SLX4IP: variants seen among roughly 807,000 people sequenced by gnomAD.
The protein encoded by SLX4IP is protein SLX4IP.
In SLX4IP, 34 loss-of-function variants were observed where a neutral mutation model predicts 32.9. That is an observed-to-expected ratio of 1.03 (90% CI 0.79 to 1.38). The LOEUF (loss-of-function observed/expected upper bound fraction) is 1.38. Ranked by LOEUF, SLX4IP falls within the 40% of genes most tolerant of loss-of-function variation. The pLI, the probability that SLX4IP is intolerant of heterozygous loss-of-function variation, is 0.00. For missense variants in SLX4IP, 444 were observed against 479.0 expected, an observed-to-expected ratio of 0.93 and a Z score of 0.68; for synonymous variants, 172 against 171.7, an observed-to-expected ratio of 1.00 and a Z score of -0.01.
intron 1 of SLX4IP, among the ~76,000 whole-genome samples, chr20:10,452,428 G>A (rs980177209): frequency 1.6e-4 from 25 of 152,046 alleles, no homozygotes; most frequent in African/African-American, 5.6e-4. Context: ...CACTTTGGGA[G>A]GCCGAGGTGG....
intron 1 of SLX4IP, among the ~76,000 whole-genome samples, chr20:10,440,319 G>T (rs904986315): frequency 6.6e-6 from 1 of 151,854 alleles, no homozygotes; most frequent in Admixed American, 6.6e-5. Context: ...GCTGGGCATG[G>T]TGGTGCACAC....
chr20:10,505,759 T>A (rs1261943902), intron 2 of SLX4IP, among the ~76,000 whole-genome samples: 3 of 152,230 alleles, frequency 2.0e-5, no homozygotes, highest in African/African-American at 7.2e-5. Flanking sequence ...TTTAATATGT[T>A]TGTCTGTATT....
intron 1 of SLX4IP, among the ~76,000 whole-genome samples, chr20:10,437,152 G>A (rs2065122203): frequency 6.6e-6 from 1 of 151,904 alleles, no homozygotes; most frequent in Admixed American, 6.6e-5. Flanking sequence ...TTGAGACAGG[G>A]TATAACCCTG....
intron 2 of SLX4IP, among the ~76,000 whole-genome samples, chr20:10,541,668 G>T (rs762964525): frequency 2.0e-5 from 3 of 152,128 alleles, no homozygotes; most frequent in Non-Finnish European, 4.4e-5. Context: ...GGACAGCAGT[G>T]GTCAATTTTG....
At chr20:10,479,639 T>TC (rs1464819264) in intron 2 of SLX4IP, among the ~76,000 whole-genome samples, 52 of 348 alleles carry the variant, frequency 0.15, no homozygotes, top group Non-Finnish European at 0.21. Context: ...GTGAGCCACG[T>TC]CCCGGCTCGA....
At chr20:10,537,045 T>A (rs1790021002) in intron 2 of SLX4IP, among the ~76,000 whole-genome samples, 1 of 152,216 alleles carries the variant, frequency 6.6e-6, no homozygotes, top group African/African-American at 2.4e-5. Flanking sequence ...TTTTAGTATC[T>A]AATATCTCTG....
intron 6 of SLX4IP, among the ~76,000 whole-genome samples, chr20:10,604,274 AC>A (rs1371934248): frequency 6.6e-6 from 1 of 152,230 alleles, no homozygotes; most frequent in African/African-American, 2.4e-5. Flanking sequence ...TTTTTGTATA[AC>A]TATTGACTTA....
At chr20:10,585,561 T>C (rs559187629) in intron 4 of SLX4IP, among the ~76,000 whole-genome samples, 1 of 151,848 alleles carries the variant, frequency 6.6e-6, no homozygotes, top group South Asian at 2.1e-4. Flanking sequence ...TCCTTTCCTT[T>C]CCTTTCCTTT....
intron 6 of SLX4IP, among the ~76,000 whole-genome samples, chr20:10,612,630 C>T (rs888448301): frequency 2.6e-5 from 4 of 152,182 alleles, no homozygotes; most frequent in African/African-American, 9.7e-5. Context: ...ACCTCAACCT[C>T]CGTCTCCCAG....
In SLX4IP at chr20:10,569,175, ATTTTTTTTT is replaced by A. The variant is rs555310488; in HGVS notation, c.238+8369_238+8377del. Among the ~76,000 whole-genome samples, 1,057 of 129,926 alleles carry A rather than the reference ATTTTTTTTT, an allele frequency of 8.1e-3. 5 individuals carry two copies. The highest frequency in any genetic ancestry group is 0.017 in the Middle Eastern group (4 of 242). 85.2% of individuals were successfully genotyped at this position (129,926 alleles called of 152,430 possible). A position where few individuals can be genotyped will look rare whatever the true frequency, so the allele number is the denominator to read the frequency against. ...TCAGGTCCCTGTGCACCAGATCTAG[ATTTTTTTTT>A]TTTTTTTTTTTTTAATTTGAGACTG... On this transcript the variant is annotated intron_variant, in intron 4 of 7. Transcript: ENST00000334534.
intron 2 of SLX4IP, among the ~76,000 whole-genome samples, chr20:10,477,898 CTTTTTT>C (rs35993699): frequency 7.7e-6 from 1 of 129,848 alleles, no homozygotes; most frequent in South Asian, 2.5e-4. Context: ...TACAATCTCC[CTTTTTT>C]TTTTTTTTTT....
At chr20:10,517,502 G>A (rs2065860412) in intron 2 of SLX4IP, among the ~76,000 whole-genome samples, 1 of 152,280 alleles carries the variant, frequency 6.6e-6, no homozygotes, top group Middle Eastern at 3.4e-3. Context: ...TTAGGGAGAC[G>A]GACATATGTT....
At chr20:10,530,555 G>A (rs2065980202) in intron 2 of SLX4IP, among the ~76,000 whole-genome samples, 1 of 152,316 alleles carries the variant, frequency 6.6e-6, no homozygotes, top group Admixed American at 6.5e-5. Context: ...TTGGTGAGAA[G>A]CTCCCTGACC....
intron 2 of SLX4IP, among the ~76,000 whole-genome samples, chr20:10,520,088 G>A (rs996105145): frequency 1.1e-4 from 16 of 151,120 alleles, no homozygotes; most frequent in Admixed American, 4.0e-4. Context: ...GAGTCTCACC[G>A]TTGGCCAGGC....
At chr20:10,454,671 G>A (rs941864310) in intron 1 of SLX4IP, among the ~76,000 whole-genome samples, 1 of 152,092 alleles carries the variant, frequency 6.6e-6, no homozygotes, top group African/African-American at 2.4e-5. Context: ...CATTTGGGTT[G>A]TTTCCATTTT....
At chr20:10,452,406 C>T (rs1192227415) in intron 1 of SLX4IP, among the ~76,000 whole-genome samples, 2 of 151,984 alleles carry the variant, frequency 1.3e-5, no homozygotes, top group East Asian at 1.9e-4. Context: ...TGGCTCATGC[C>T]TGTAATCCCA....
chr20:10,516,715 T>G (rs572388851), intron 2 of SLX4IP, among the ~76,000 whole-genome samples: 1 of 152,356 alleles, frequency 6.6e-6, no homozygotes, highest in South Asian at 2.1e-4. Flanking sequence ...GCTGTGATTT[T>G]TTTCAGAAGG....
intron 2 of SLX4IP, among the ~76,000 whole-genome samples, chr20:10,483,367 C>G (rs2065542166): frequency 6.6e-6 from 1 of 152,048 alleles, no homozygotes; most frequent in Admixed American, 6.6e-5. Context: ...AGTAATCCAC[C>G]CACCTAGGCC....
intron 2 of SLX4IP, among the ~76,000 whole-genome samples, chr20:10,500,303 AT>A (rs1400525549): frequency 6.6e-6 from 1 of 151,580 alleles, no homozygotes; most frequent in East Asian, 1.9e-4. Flanking sequence ...AATTTTTTGT[AT>A]TTTTAGTAGA....
Sources: allele counts gnomAD v4.1 joint callset (sites outside exome capture counted in the v4.1 genomes callset), GRCh38; gene constraint gnomAD v4.1.1; transcripts MANE v1.5; gene names NCBI Gene and HGNC (gene_info 2026-07-23, HGNC 2026-07-21).